The following TMEM131 variants were observed in gnomAD, a reference collection of about 807,000 sequenced individuals.
TMEM131 encodes transmembrane protein 131, also known as 2610524E03Rik.
TMEM131 carries 66 observed loss-of-function variants against 211.6 expected under a neutral mutation model. The ratio of observed to expected loss-of-function variants is 0.31; its 90% CI spans 0.26 to 0.38. The LOEUF (loss-of-function observed/expected upper bound fraction) is 0.38. Among genes scored for constraint, TMEM131 ranks in the 10% least tolerant of loss-of-function variants. The pLI, the probability that TMEM131 is intolerant of heterozygous loss-of-function variation, is 1.00. For missense variants in TMEM131, 2,036 were observed against 2,299.3 expected (o/e 0.89, Z 2.34); for synonymous variants, 844 against 841.3 (o/e 1.00, Z -0.06).
intron 1 of TMEM131, among the ~76,000 whole-genome samples, chr2:97,939,075 A>G (rs1222238497): frequency 1.3e-5 from 2 of 152,266 alleles, no homozygotes; most frequent in African/African-American, 4.8e-5. Context: ...AAGAGAAAGC[A>G]GGAAAGATCT....
intron 1 of TMEM131, 33 bp from the exon 2 acceptor site, chr2:97,927,520 A>G (rs760380195): frequency 7.3e-6 from 11 of 1,503,572 alleles, no homozygotes; most frequent in Admixed American, 2.3e-5. Context: ...CATCACTTAC[A>G]GGAACATAAA....
At chr2:97,759,857 G>A in intron 38 of TMEM131, 108 bp from the exon 39 acceptor site, 1 of 764,826 alleles carries the variant, frequency 1.3e-6, no homozygotes, top group Non-Finnish European at 2.3e-6. Flanking sequence ...TCAACTGGGG[G>A]TACTCAAATA....
intron 2 of TMEM131, among the ~76,000 whole-genome samples, chr2:97,922,154 C>T (rs563375200): frequency 1.3e-5 from 2 of 152,246 alleles, no homozygotes; most frequent in African/African-American, 4.8e-5. Context: ...TCCTAAGGCA[C>T]GCGCACAACC....
intron 22 of TMEM131, among the ~76,000 whole-genome samples, chr2:97,804,009 C>A (rs964081126): frequency 6.6e-6 from 1 of 152,074 alleles, no homozygotes; most frequent in African/African-American, 2.4e-5. Flanking sequence ...CTTTCTTTTG[C>A]CTTAAGAAAA....
intron 3 of TMEM131, among the ~76,000 whole-genome samples, chr2:97,904,223 T>C (rs1049076237): frequency 1.3e-5 from 2 of 152,170 alleles, no homozygotes; most frequent in Non-Finnish European, 2.9e-5. Context: ...GAGTATATGA[T>C]GATCTCTAAA....
chr2:97,902,923 GGACTCA>G (rs1278292142), intron 3 of TMEM131, among the ~76,000 whole-genome samples: 1 of 152,070 alleles, frequency 6.6e-6, no homozygotes, highest in East Asian at 1.9e-4. Flanking sequence ...CTTCAGTTTG[GGACTCA>G]GACTGGCTCT....
chr2:97,778,264 G>C (rs1679826577), intron 31 of TMEM131, among the ~76,000 whole-genome samples: 1 of 152,334 alleles, frequency 6.6e-6, no homozygotes, highest in East Asian at 1.9e-4. Context: ...GAAAACTTCA[G>C]TAACAAAAGA....
chr2:97,844,590 T>C (rs1683340447), intron 5 of TMEM131, among the ~76,000 whole-genome samples: 2 of 152,124 alleles, frequency 1.3e-5, no homozygotes, highest in South Asian at 2.1e-4. Flanking sequence ...GAGGCTGAGT[T>C]TTCATATAGA....
intron 3 of TMEM131, among the ~76,000 whole-genome samples, chr2:97,898,044 G>C (rs1229961153): frequency 6.6e-6 from 1 of 152,028 alleles, no homozygotes; most frequent in Non-Finnish European, 1.5e-5. Context: ...AAGATCTGTA[G>C]TGATATCCCC....
intron 1 of TMEM131, among the ~76,000 whole-genome samples, chr2:97,942,257 T>C (rs1677766942): frequency 7.2e-6 from 1 of 139,092 alleles, no homozygotes; most frequent in Non-Finnish European, 1.5e-5. Context: ...TTCTCATTCA[T>C]AGGTGGGAAC....
At chr2:97,987,040 C>T (rs921728553) in intron 1 of TMEM131, among the ~76,000 whole-genome samples, 1 of 152,340 alleles carries the variant, frequency 6.6e-6, no homozygotes, top group Admixed American at 6.5e-5. Context: ...GAATACAAAC[C>T]ACTAATTAAC....
chr2:97,895,099 G>A (rs140087319), intron 3 of TMEM131, among the ~76,000 whole-genome samples: 35 of 152,164 alleles, frequency 2.3e-4, no homozygotes, highest in African/African-American at 6.3e-4. Flanking sequence ...GAATTTTGTC[G>A]AAGGCCTTTT....
intron 31 of TMEM131, among the ~76,000 whole-genome samples, chr2:97,789,718 G>A (rs779831326): frequency 6.6e-5 from 10 of 152,180 alleles, no homozygotes; most frequent in Admixed American, 2.0e-4. Context: ...CCAGGCTCAC[G>A]GCTTTCTTGG....
chr2:97,920,650 C>T (rs1676702250), intron 2 of TMEM131, among the ~76,000 whole-genome samples: 1 of 152,036 alleles, frequency 6.6e-6, no homozygotes, highest in South Asian at 2.1e-4. Context: ...TATGTTGAGT[C>T]GTATGAAATT....
At chr2:97,897,435 T>G (rs1012177417) in intron 3 of TMEM131, among the ~76,000 whole-genome samples, 1 of 152,152 alleles carries the variant, frequency 6.6e-6, no homozygotes, top group Non-Finnish European at 1.5e-5. Flanking sequence ...TTTATCAGGT[T>G]AAAGACATTC....
Position 97,828,018 on chromosome 2 carries a change from C to T in TMEM131, c.1074+5347G>A, listed in dbSNP as rs2105037631. ...GCTCTCTCTGCCAGAATTGTGTGCA[C>T]TCTGTAACATCTTTGGTTGTGGTAG... is the stretch of plus-strand genomic sequence containing the variant. On this transcript the variant is annotated intron_variant, in intron 11 of 40. Coordinates refer to ENST00000186436, the MANE Select transcript of TMEM131 (RefSeq NM_015348.2). 2.0e-5 allele frequency among the ~76,000 whole-genome samples: 3 copies of T among 152,290 alleles called. No individual in the cohort carries two copies. The South Asian group carries it at 6.2e-4, about 32-fold the overall frequency.
chr2:97,952,350 A>G (rs1392296405), intron 1 of TMEM131, among the ~76,000 whole-genome samples: 3 of 152,208 alleles, frequency 2.0e-5, no homozygotes, highest in Non-Finnish European at 4.4e-5. Context: ...GGTGAAAGAC[A>G]TAAACTTACA....
intron 1 of TMEM131, among the ~76,000 whole-genome samples, chr2:97,984,771 A>T (rs1197807017): frequency 6.6e-6 from 1 of 151,594 alleles, no homozygotes; most frequent in East Asian, 1.9e-4. Context: ...ATGAGGGATC[A>T]TATCGATATA....
intron 22 of TMEM131, among the ~76,000 whole-genome samples, chr2:97,804,334 G>A: frequency 6.6e-6 from 1 of 152,044 alleles, no homozygotes; most frequent in Non-Finnish European, 1.5e-5. Context: ...TGTCTGAATG[G>A]AGCCCTGTGT....
Sources: gnomAD v4.1 joint callset for allele counts (sites outside exome capture counted in the v4.1 genomes callset) on GRCh38, gnomAD v4.1.1 for gene constraint, MANE v1.5 for transcripts, NCBI Gene and HGNC (gene_info 2026-07-23, HGNC 2026-07-21) for gene names.